TPCN1: variants seen among roughly 807,000 people sequenced by gnomAD.
TPCN1 encodes two pore segment channel 1, also known as two pore channel protein 1.
In TPCN1, 52 loss-of-function variants were observed where a neutral mutation model predicts 108.8. The ratio of observed to expected loss-of-function variants is 0.48; its 90% confidence interval spans 0.38 to 0.60. The LOEUF is 0.60. Ranked by LOEUF, TPCN1 falls within the 20% of genes least tolerant of loss-of-function variation. The pLI is 0.00. For synonymous variants in TPCN1, 446 were observed against 433.7 expected, an observed-to-expected ratio of 1.03 and a Z score of -0.35; for missense variants, 806 against 1,072.8, an observed-to-expected ratio of 0.75 and a Z score of 3.47.
chr12:113,245,476 C>A (rs1357311869), intron 2 of TPCN1, among the ~76,000 whole-genome samples: 2 of 146,450 alleles, frequency 1.4e-5, no homozygotes, highest in African/African-American at 2.6e-5. Context: ...TAGCGGGCGC[C>A]TGTAGTCCCA....
intron 2 of TPCN1, among the ~76,000 whole-genome samples, chr12:113,228,043 G>A (rs1016122947): frequency 6.6e-6 from 1 of 152,172 alleles, no homozygotes; most frequent in Non-Finnish European, 1.5e-5. Context: ...GCCACTCAGG[G>A]ATGAGAAAGC....
chr12:113,258,579 C>T (rs924801728), intron 2 of TPCN1, among the ~76,000 whole-genome samples: 3 of 151,984 alleles, frequency 2.0e-5, no homozygotes, highest in Admixed American at 6.6e-5. Flanking sequence ...TCCAGGAGTT[C>T]GAGACCAGCC....
chr12:113,279,016 G>C (rs535512948), intron 14 of TPCN1, among the ~76,000 whole-genome samples, 181 bp downstream of exon 14: 2 of 152,122 alleles, frequency 1.3e-5, no homozygotes, highest in Non-Finnish European at 2.9e-5. Context: ...GTAGGAAGCA[G>C]ATTGGGAGAG....
chr12:113,256,194 T>G (rs1566162258), intron 2 of TPCN1, among the ~76,000 whole-genome samples: 1 of 152,054 alleles, frequency 6.6e-6, no homozygotes, highest in Non-Finnish European at 1.5e-5. Context: ...GCTAGGTTTC[T>G]ATTGATTGAT....
In TPCN1 at chr12:113,290,235, A is replaced by T. The variant is rs748698468; in HGVS notation, c.1904A>T (p.Asn635Ile). 2.5e-6 allele frequency: 4 copies of T among 1,594,032 alleles called. No individual in the cohort carries two copies. Among genetic ancestry groups the T allele is most frequent in the Non-Finnish European group, 2.6e-6 (3 of 1,167,884 alleles). The change falls in exon 22 of 28, where the codon AAC becomes ATC. Residue 635 changes from asparagine to isoleucine, a missense_variant. Asn to Ile is a moderately radical substitution (Grantham distance 149). Coordinates refer to ENST00000335509, the MANE Select transcript of TPCN1 (RefSeq NM_017901.6). ...YYLNNFDNILNSFVTLFELTV... is the reference protein window; with the variant it reads ...YYLNNFDNILISFVTLFELTV... ...CTCAATAATTTTGACAACATCCTCA[A>T]CAGCTTTGGTGAGTGGGAAAAATCA...
In TPCN1 at chr12:113,276,905, C is replaced by T; in HGVS notation, c.943-14C>T. On this transcript the variant is annotated splice_polypyrimidine_tract_variant and intron_variant, in intron 10 of 27. Coordinates refer to ENST00000335509, the MANE Select transcript of TPCN1 (RefSeq NM_017901.6). ...CAAGGTCCTGAGCTAGGGCTCTGTG[C>T]TTCTCTCCCACAGCTTCTGGCTGTG... is the stretch of plus-strand genomic sequence containing the variant. The T allele has an allele frequency of 1.9e-6, 3 of 1,595,812 alleles. No individual in the cohort carries two copies. Among genetic ancestry groups the T allele is most frequent in the Non-Finnish European group, 2.6e-6 (3 of 1,164,090 alleles).
rs960013168 is a variant in TPCN1 at position 113,256,559 on chromosome 12, A to C, written c.113-3809A>C. On this transcript the variant is annotated intron_variant, in intron 2 of 27. Coordinates refer to ENST00000335509, the MANE Select transcript of TPCN1 (RefSeq NM_017901.6). The stretch of plus-strand genomic sequence containing the variant: ...GTATTGATGTGAAATCTTTGTTTTT[A>C]TTTTTCTTTTTTAAAGACAGTGTCT... Among the ~76,000 whole-genome samples the C allele has an allele frequency of 2.6e-5, 4 of 152,120 alleles. No individual in the cohort carries two copies. In the South Asian group the frequency reaches 6.2e-4, roughly 24 times the overall value.
intron 3 of TPCN1, among the ~76,000 whole-genome samples, chr12:113,262,115 A>T (rs1955063348): frequency 6.6e-6 from 1 of 152,192 alleles, no homozygotes; most frequent in South Asian, 2.1e-4. Context: ...CTTTTTCTTA[A>T]ATGCATTCGA....
intron 2 of TPCN1, chr12:113,244,501 T>A: frequency 1.0e-6 from 1 of 985,436 alleles, no homozygotes; most frequent in Non-Finnish European, 1.2e-6. Flanking sequence ...GCATTTTGCT[T>A]TCTTTCGGCG....
chr12:113,242,305 A>G (rs1331004776), intron 2 of TPCN1, among the ~76,000 whole-genome samples: 1 of 152,154 alleles, frequency 6.6e-6, no homozygotes, highest in Non-Finnish European at 1.5e-5. Flanking sequence ...GTTGCTCCAC[A>G]CCATTAGTCC....
chr12:113,296,374 C>A lies in TPCN1; in HGVS notation c.*298C>A. ...CCCCTCACCTGGATCCAGTCGACTG[C>A]GGGGCTTGCCCCTCATGTGGGCTGG... On this transcript the variant is annotated 3_prime_UTR_variant, in exon 28 of 28. Coordinates refer to ENST00000335509, the MANE Select transcript of TPCN1 (RefSeq NM_017901.6). The A allele has an allele frequency of 2.7e-6, 1 of 364,310 alleles. No individual in the cohort carries two copies. Among genetic ancestry groups the A allele is most frequent in the Non-Finnish European group, 5.0e-6 (1 of 198,930 alleles). The allele number at this position is 364,310 out of a possible 1,614,324, so 22.6% of individuals were successfully genotyped here.
intron 2 of TPCN1, among the ~76,000 whole-genome samples, chr12:113,244,023 C>T (rs1954250520): frequency 6.6e-6 from 1 of 152,198 alleles, no homozygotes; most frequent in African/African-American, 2.4e-5. Context: ...TTTCACACTC[C>T]ATTTATAGAA....
Position 113,269,378 on chromosome 12 carries a change from C to G in TPCN1, c.660-379C>G, listed in dbSNP as rs1457692662. Among the ~76,000 whole-genome samples the G allele has an allele frequency of 6.6e-6, 1 of 152,234 alleles. No individual in the cohort carries two copies. Among genetic ancestry groups the G allele is most frequent in the Non-Finnish European group, 1.5e-5 (1 of 68,048 alleles). On this transcript the variant is annotated intron_variant, in intron 6 of 27. Coordinates refer to ENST00000335509, the MANE Select transcript of TPCN1 (RefSeq NM_017901.6). This position sits in a 1 kb window ranked among gnomAD's most constrained non-coding sequence, Gnocchi z 5.0. ...GAAACAGGACTCAGTGTCCTTGAAA[C>G]AGGCCCAGTGTCCCAGGACTAAGTG... is the stretch of plus-strand genomic sequence containing the variant.
intron 14 of TPCN1, among the ~76,000 whole-genome samples, chr12:113,279,379 A>ATTTTTTTTT (rs1955799780): frequency 4.1e-5 from 1 of 24,332 alleles, no homozygotes; most frequent in African/African-American, 1.9e-4. Context: ...ATATATATAT[A>ATTTTTTTTT]TATATATATA....
intron 2 of TPCN1, among the ~76,000 whole-genome samples, chr12:113,234,178 C>A (rs1219172739): frequency 6.6e-6 from 1 of 152,150 alleles, no homozygotes; most frequent in Non-Finnish European, 1.5e-5. Context: ...AAGTGAACAC[C>A]AGACCACAAA....
At position 113,272,075 on chromosome 12, in the gene TPCN1, C is replaced by T. The variant is rs889795700; in HGVS notation, c.749-583C>T. 2.0e-5 allele frequency among the ~76,000 whole-genome samples: 3 copies of T among 152,204 alleles called. No individual in the cohort carries two copies. Among genetic ancestry groups the T allele is most frequent in the South Asian group, 2.1e-4 (1 of 4,830 alleles). ...ATGGCTCTCACTTCCTCCCACCCAC[C>T]ACCCCACTCTTGGTAGAATTTTGTT... On this transcript the variant is annotated intron_variant, in intron 7 of 27. Coordinates refer to ENST00000335509, the MANE Select transcript of TPCN1 (RefSeq NM_017901.6). This position sits in a 1 kb window ranked among gnomAD's most constrained non-coding sequence, Gnocchi z 4.1.
chr12:113,288,671 A>G lies in TPCN1; in HGVS notation c.1707-87A>G. On this transcript the variant is annotated intron_variant, in intron 20 of 27. Coordinates refer to ENST00000335509, the MANE Select transcript of TPCN1 (RefSeq NM_017901.6). The surrounding 1 kb of genome is among the most constrained non-coding windows in gnomAD (Gnocchi z 4.8). ...CGACCAGGGGCATGGCCCTGCAGTC[A>G]GCCCCACGGGTCCGAGGAGGCCGGG... 6.3e-7 allele frequency: 1 copy of G among 1,575,984 alleles called. No individual in the cohort carries two copies.
chr12:113,294,456 G>A (rs560554367), intron 27 of TPCN1, among the ~76,000 whole-genome samples: 26 of 152,122 alleles, frequency 1.7e-4, no homozygotes, highest in Admixed American at 9.8e-4. Flanking sequence ...GTGAAACCCT[G>A]TCTCTACTAA....
intron 2 of TPCN1, among the ~76,000 whole-genome samples, chr12:113,247,063 A>G (rs949699940): frequency 2.0e-5 from 3 of 152,124 alleles, no homozygotes; most frequent in Non-Finnish European, 2.9e-5. Context: ...GGTGTAAACA[A>G]CTGTTGGCAT....
Sources: allele counts gnomAD v4.1 joint callset (sites outside exome capture counted in the v4.1 genomes callset), GRCh38; gene constraint gnomAD v4.1.1; non-coding constraint Gnocchi (gnomAD v3.1); transcripts MANE v1.5; gene names NCBI Gene and HGNC (gene_info 2026-07-23, HGNC 2026-07-21).